The following RALGPS2 variants were observed in gnomAD, a reference collection of about 807,000 sequenced individuals.
RALGPS2 encodes the protein Ral GEF with PH domain and SH3 binding motif 2, also known as ras-specific guanine nucleotide-releasing factor RalGPS2.
A neutral mutation model predicts 86.8 loss-of-function variants in RALGPS2; 43 were observed. The ratio of observed to expected loss-of-function variants is 0.50; its 90% confidence interval spans 0.39 to 0.64. The LOEUF (loss-of-function observed/expected upper bound fraction) is 0.64. Ranked by LOEUF, RALGPS2 falls within the 30% of genes least tolerant of loss-of-function variation. The pLI, the probability that RALGPS2 is intolerant of heterozygous loss-of-function variation, is 0.00. For synonymous variants in RALGPS2, 243 were observed against 231.3 expected, an observed-to-expected ratio of 1.05 and a Z score of -0.46; for missense variants, 536 against 694.6, an observed-to-expected ratio of 0.77 and a Z score of 2.57.
intron 1 of RALGPS2, among the ~76,000 whole-genome samples, chr1:178,731,862 G>A (rs1335453679): frequency 1.3e-5 from 2 of 152,056 alleles, no homozygotes; most frequent in East Asian, 3.9e-4. Flanking sequence ...AGGCATTTTG[G>A]GCAATACAAT....
intron 6 of RALGPS2, among the ~76,000 whole-genome samples, chr1:178,814,506 A>C (rs748205362): frequency 6.6e-6 from 1 of 152,002 alleles, no homozygotes; most frequent in Admixed American, 6.6e-5. Flanking sequence ...TGTGATCCCA[A>C]CTCACTGCAT....
At chr1:178,861,941 C>T (rs561474020) in intron 8 of RALGPS2, among the ~76,000 whole-genome samples, 1 of 151,940 alleles carries the variant, frequency 6.6e-6, no homozygotes, top group African/African-American at 2.4e-5. Context: ...GGTGCGATCT[C>T]GGCTCACTGC....
chr1:178,851,388 T>C, intron 8 of RALGPS2: 1 of 1,335,320 alleles, frequency 7.5e-7, no homozygotes, highest in Non-Finnish European at 9.9e-7. Context: ...CATAAAAAAC[T>C]TATTCTACCT....
intron 1 of RALGPS2, among the ~76,000 whole-genome samples, chr1:178,727,922 A>G (rs1319204787): frequency 6.6e-6 from 1 of 152,200 alleles, no homozygotes; most frequent in Non-Finnish European, 1.5e-5. Flanking sequence ...AACTCCTCTG[A>G]TAACTTTTTG....
chr1:178,740,493 A>T (rs1358642210), intron 1 of RALGPS2, among the ~76,000 whole-genome samples: 1 of 152,220 alleles, frequency 6.6e-6, no homozygotes, highest in Admixed American at 6.5e-5. Context: ...CTGAAGCTGC[A>T]AAGATGTGTT....
chr1:178,756,140 T>A (rs1651946427), intron 1 of RALGPS2, among the ~76,000 whole-genome samples: 1 of 152,188 alleles, frequency 6.6e-6, no homozygotes, highest in Non-Finnish European at 1.5e-5. Context: ...CTGTTGATTG[T>A]TTTCTTGTGG....
At chr1:178,811,497 T>G (rs1421706036) in intron 6 of RALGPS2, 93 bp downstream of exon 6, 1 of 933,600 alleles carries the variant, frequency 1.1e-6, no homozygotes, top group African/African-American at 1.8e-5. Flanking sequence ...CACTGTTTAT[T>G]GATACTGGAA....
intron 5 of RALGPS2, among the ~76,000 whole-genome samples, chr1:178,810,658 A>G (rs1654935070): frequency 6.6e-6 from 1 of 151,954 alleles, no homozygotes; most frequent in South Asian, 2.1e-4. Flanking sequence ...TTACATATAT[A>G]TTTGTAAAAT....
At chr1:178,740,041 G>A (rs534500198) in intron 1 of RALGPS2, among the ~76,000 whole-genome samples, 1 of 152,310 alleles carries the variant, frequency 6.6e-6, no homozygotes, top group South Asian at 2.1e-4. Flanking sequence ...ACTCTTGAAT[G>A]GAGTATGGCA....
Position 178,902,104 on chromosome 1 carries a change from A to C in RALGPS2, c.1525-2A>C. The C allele has an allele frequency of 6.2e-7, 1 of 1,606,976 alleles. No individual in the cohort carries two copies. The highest frequency in any genetic ancestry group is 8.5e-7 in the Non-Finnish European group (1 of 1,174,468). ...TCCGCTAATTATCTTTTTTTCTCTCAGTTCAAATCAACATCCAATAAGAAC... is the reference window on the plus strand; with the variant it reads ...TCCGCTAATTATCTTTTTTTCTCTCCGTTCAAATCAACATCCAATAAGAAC... On this transcript the variant is annotated splice_acceptor_variant, in intron 17 of 19. Transcript: ENST00000367635. LOFTEE classifies it high-confidence loss of function.
chr1:178,761,797 A>G (rs1389481639), intron 1 of RALGPS2, among the ~76,000 whole-genome samples: 1 of 152,014 alleles, frequency 6.6e-6, no homozygotes, highest in Non-Finnish European at 1.5e-5. Context: ...CTGACCTCAA[A>G]TGATCCACCC....
Position 178,777,707 on chromosome 1 carries a change from G to A in RALGPS2, c.57+886G>A, listed in dbSNP as rs1653165682. 2.0e-5 allele frequency among the ~76,000 whole-genome samples: 3 copies of A among 152,088 alleles called. No homozygotes were observed. In the South Asian group the frequency reaches 6.2e-4, roughly 32 times the overall value. ...TACCAAAACAGAGATATAGATCAAT[G>A]GAACAGAACAGAGCCCTCGGAAATA... is the stretch of plus-strand genomic sequence containing the variant. On this transcript the variant is annotated intron_variant, in intron 2 of 19. Transcript: ENST00000367635.
chr1:178,775,816 G>A (rs1461534177), intron 1 of RALGPS2, among the ~76,000 whole-genome samples: 1 of 151,332 alleles, frequency 6.6e-6, no homozygotes, highest in Non-Finnish European at 1.5e-5. Flanking sequence ...AAACTTTAAA[G>A]TCCTATACAA....
intron 1 of RALGPS2, among the ~76,000 whole-genome samples, chr1:178,737,361 T>C (rs1650767770): frequency 6.6e-6 from 1 of 152,230 alleles, no homozygotes; most frequent in Admixed American, 6.5e-5. Context: ...ATTCTCTGCC[T>C]CAGCCTCGCG....
intron 3 of RALGPS2, among the ~76,000 whole-genome samples, 176 bp from the exon 4 acceptor site, chr1:178,785,378 CATG>C (rs1483759560): frequency 6.6e-6 from 1 of 151,782 alleles, no homozygotes; most frequent in African/African-American, 2.4e-5. Context: ...TATAAATAGA[CATG>C]AGATCATTAG....
chr1:178,817,699 T>G (rs532732719), intron 6 of RALGPS2, among the ~76,000 whole-genome samples: 1 of 152,334 alleles, frequency 6.6e-6, no homozygotes, highest in East Asian at 1.9e-4. Context: ...AATTTATAGA[T>G]CACTTTGGGA....
chr1:178,897,842 T>C, intron 17 of RALGPS2, 86 bp downstream of exon 17: 7 of 1,109,190 alleles, frequency 6.3e-6, no homozygotes, highest in Non-Finnish European at 9.1e-6. Flanking sequence ...GATACAAAGG[T>C]TTTTTGGGTT....
chr1:178,837,603 T>A (rs112909098), intron 8 of RALGPS2, among the ~76,000 whole-genome samples: 3,730 of 152,264 alleles, frequency 0.024, 149 homozygotes, highest in African/African-American at 0.085. Flanking sequence ...GCTCCCAGCA[T>A]GAGCAACACA....
chr1:178,850,859 G>A (rs1657126115), intron 8 of RALGPS2: 1 of 283,420 alleles, frequency 3.5e-6, no homozygotes, highest in South Asian at 1.3e-4. Context: ...TTTACATTGT[G>A]GCAAATATTT....
Sources: gnomAD v4.1 joint callset for allele counts (sites outside exome capture counted in the v4.1 genomes callset) on GRCh38, gnomAD v4.1.1 for gene constraint, MANE v1.5 for transcripts, NCBI Gene and HGNC (gene_info 2026-07-23, HGNC 2026-07-21) for gene names.